MEPE: variants seen among roughly 807,000 people sequenced by gnomAD.
MEPE encodes the protein matrix, extracellular phosphoglycoprotein with ASARM motif (bone).
Under a neutral mutation model 7.3 loss-of-function variants are expected in MEPE, and 7 were observed. That is an observed-to-expected ratio of 0.95 (90% CI 0.54 to 1.79). The LOEUF (loss-of-function observed/expected upper bound fraction) is 1.79. MEPE is among the 40% of genes most tolerant of loss of function. MEPE has a pLI of 0.00. For synonymous variants in MEPE, 214 were observed against 213.1 expected, an observed-to-expected ratio of 1.00 and a Z score of -0.04; for missense variants, 623 against 628.2, an observed-to-expected ratio of 0.99 and a Z score of 0.09.
chr4:87,837,189 C>T (rs973034546), intron 2 of MEPE, among the ~76,000 whole-genome samples: 3 of 151,846 alleles, frequency 2.0e-5, no homozygotes, highest in African/African-American at 2.4e-5. Context: ...ACCCAAGGAT[C>T]GAAGCTATTA....
chr4:87,845,888 T>C lies in MEPE; in HGVS notation c.1020T>C (p.Asp340=), dbSNP rs1723223352. ...VDVSLVEGSN[D]IMGSTNFKEL... ...TCAGCCTTGTAGAGGGCAGCAACGA[T>C]ATCATGGGTAGTACCAATTTTAAGG... is the stretch of plus-strand genomic sequence containing the variant. Residue 340 remains aspartate (D), a synonymous_variant, in exon 4 of 4, where the codon GAT becomes GAC. Coordinates refer to ENST00000361056, the MANE Select transcript of MEPE (RefSeq NM_020203.6). 6.2e-7 allele frequency: 1 copy of C among 1,613,960 alleles called. No individual in the cohort carries two copies. The highest frequency in any genetic ancestry group is 1.1e-5 in the South Asian group (1 of 91,072).
intron 3 of MEPE, among the ~76,000 whole-genome samples, chr4:87,839,309 A>G (rs533649151): frequency 1.3e-5 from 2 of 152,190 alleles, no homozygotes; most frequent in Non-Finnish European, 2.9e-5. Flanking sequence ...AGTTTTGCCA[A>G]TTAGACATCA....
chr4:87,833,783 CT>C (rs1185699874), intron 1 of MEPE, among the ~76,000 whole-genome samples: 1 of 152,048 alleles, frequency 6.6e-6, no homozygotes, highest in Non-Finnish European at 1.5e-5. Flanking sequence ...TTATTTGTAA[CT>C]AAATGTTAGT....
chr4:87,834,479 T>C (rs1722705499), intron 1 of MEPE, among the ~76,000 whole-genome samples: 1 of 152,242 alleles, frequency 6.6e-6, no homozygotes, highest in Admixed American at 6.5e-5. Flanking sequence ...TGATATTGAA[T>C]AATTTTCATT....
At chr4:87,838,060 T>A (rs11937202) in intron 2 of MEPE, among the ~76,000 whole-genome samples, 57,088 of 152,008 alleles carry the variant, frequency 0.38, 11,040 homozygotes, top group African/African-American at 0.45. Context: ...TTTTTCCTTC[T>A]CAGAATGTAA....
intron 1 of MEPE, among the ~76,000 whole-genome samples, chr4:87,825,550 G>T (rs1227368236): frequency 6.6e-6 from 1 of 152,228 alleles, no homozygotes; most frequent in African/African-American, 2.4e-5. Flanking sequence ...CAATCTGACA[G>T]TTTTGACGAA....
intron 1 of MEPE, among the ~76,000 whole-genome samples, chr4:87,833,233 T>C (rs1722647524): frequency 6.6e-6 from 1 of 152,156 alleles, no homozygotes; most frequent in Non-Finnish European, 1.5e-5. Context: ...AGCAACTTTC[T>C]CTTTTTTTTT....
chr4:87,823,863 G>A (rs1722401782), intron 1 of MEPE, among the ~76,000 whole-genome samples: 1 of 152,084 alleles, frequency 6.6e-6, no homozygotes, highest in African/African-American at 2.4e-5. Flanking sequence ...GCAATGACTT[G>A]GACATTTTGT....
rs1723280396 is a variant in MEPE at position 87,846,585 on chromosome 4, C to G, written c.*139C>G. On this transcript the variant is annotated 3_prime_UTR_variant, in exon 4 of 4. Transcript: ENST00000361056. The stretch of plus-strand genomic sequence containing the variant: ...TGAGTGAGCCAAGAATCCTGGTCTC[C>G]TTGGGGGAATTTTTGCTATCTTAAT... 3 of 936,004 alleles carry G rather than the reference C, an allele frequency of 3.2e-6. No individual in the cohort carries two copies. In the Admixed American group the frequency reaches 7.9e-5, roughly 25 times the overall value. The allele number at this position is 936,004 out of a possible 1,614,324, so 58.0% of individuals were successfully genotyped here. A position where few individuals can be genotyped will look rare whatever the true frequency, so the allele number is the denominator to read the frequency against.
intron 3 of MEPE, among the ~76,000 whole-genome samples, chr4:87,840,266 G>A (rs1315737138): frequency 6.6e-6 from 1 of 152,142 alleles, no homozygotes; most frequent in Non-Finnish European, 1.5e-5. Flanking sequence ...TTGCTCAGAA[G>A]TAAAAGAATG....
upstream of MEPE, among the ~76,000 whole-genome samples, chr4:87,830,222 T>A (rs116801715): frequency 2.4e-3 from 364 of 152,260 alleles, 3 homozygotes; most frequent in African/African-American, 8.0e-3. Context: ...GTAATCCCAT[T>A]ACTGGGTATA....
rs1456476530 is a variant in MEPE, at chr4:87,843,851, A to T, written c.109-1126A>T. On this transcript the variant is annotated intron_variant, in intron 3 of 3. Transcript: ENST00000361056. The stretch of plus-strand genomic sequence containing the variant: ...ACTACATACCATGCACCAAATGGAC[A>T]AACATGGCTTACACCATAGTGAAGA... Among the ~76,000 whole-genome samples the T allele has an allele frequency of 2.0e-5, 3 of 152,338 alleles. No homozygotes were observed. In the East Asian group the frequency reaches 5.8e-4, roughly 29 times the overall value.
At chr4:87,843,324 A>C (rs936765293) in intron 3 of MEPE, among the ~76,000 whole-genome samples, 1 of 152,126 alleles carries the variant, frequency 6.6e-6, no homozygotes, top group African/African-American at 2.4e-5. Context: ...ATCTTCTACA[A>C]GTCTCCGGCA....
intron 1 of MEPE, among the ~76,000 whole-genome samples, chr4:87,826,644 C>T (rs1006467450): frequency 6.6e-6 from 1 of 152,096 alleles, no homozygotes; most frequent in Non-Finnish European, 1.5e-5. Context: ...GCAGCCTCAC[C>T]AACATCTGTT....
chr4:87,837,499 G>A (rs1436588767), intron 2 of MEPE: 1 of 152,250 alleles, frequency 6.6e-6, no homozygotes, highest in Non-Finnish European at 1.5e-5. Context: ...CAATATCTTA[G>A]TGCAAGCAAC....
Position 87,846,354 on chromosome 4 carries a change from C to T in MEPE, c.1486C>T (p.Pro496Ser). 6 of 1,614,084 alleles carry T rather than the reference C, an allele frequency of 3.7e-6. No homozygotes were observed. Among genetic ancestry groups the T allele is most frequent in the Non-Finnish European group, 5.1e-6 (6 of 1,179,962 alleles). ...PQGKGSWGRQ[P>S]HSNRRFSSRR... ...AGGGAAAGGCTCCTGGGGTAGACAACCCCATTCCAACAGGAGGTTTAGTTC... is the reference window on the plus strand; with the variant it reads ...AGGGAAAGGCTCCTGGGGTAGACAATCCCATTCCAACAGGAGGTTTAGTTC... The change falls in exon 4 of 4, where the codon CCC (proline) becomes TCC (serine). Residue 496 changes from proline (P) to serine (S), a missense_variant. By Grantham distance (74) the Pro-to-Ser change is moderately conservative (BLOSUM62 -1). Transcript: ENST00000361056.
chr4:87,846,156 A>C lies in MEPE; in HGVS notation c.1288A>C (p.Lys430Gln), dbSNP rs1450430038. 6.2e-7 allele frequency: 1 copy of C among 1,614,078 alleles called. No homozygotes were observed. Among genetic ancestry groups the C allele is most frequent in the Admixed American group, 1.7e-5 (1 of 59,986 alleles). ...AAATGAAAAACAAAGGTTTCCTAGT[A>C]AGGGCAAAAGTCAGGGCCTGCCCAT... ...TLNEKQRFPS[K>Q]GKSQGLPIPS... The change falls in exon 4 of 4, where the codon AAG becomes CAG. Residue 430 changes from lysine to glutamine, a missense_variant. By Grantham distance (53) the Lys-to-Gln change is moderately conservative. Coordinates refer to ENST00000361056, the MANE Select transcript of MEPE (RefSeq NM_020203.6).
In MEPE at chr4:87,845,131, A is replaced by G; in HGVS notation, c.263A>G (p.Asn88Ser). ...AATAAGGGAAGTAGTAAATCTCAAAATTATTTCACAAATAGACAGAGACTG... is the reference window on the plus strand; with the variant it reads ...AATAAGGGAAGTAGTAAATCTCAAAGTTATTTCACAAATAGACAGAGACTG... ...SENKGSSKSQ[N>S]YFTNRQRLNK... Residue 88 changes from asparagine to serine, a missense_variant, in exon 4 of 4, where the codon AAT becomes AGT. Physicochemically the swap from Asn to Ser is conservative, Grantham distance 46. Transcript: ENST00000361056. 6.2e-7 allele frequency: 1 copy of G among 1,613,742 alleles called. No homozygotes were observed.
chr4:87,840,136 T>A (rs1317690388), intron 3 of MEPE: 3 of 1,439,590 alleles, frequency 2.1e-6, no homozygotes, highest in East Asian at 2.5e-5. Flanking sequence ...TTCTACCATA[T>A]GCTCTGATGG....
Sources: allele counts gnomAD v4.1 joint callset (sites outside exome capture counted in the v4.1 genomes callset), GRCh38; gene constraint gnomAD v4.1.1; transcripts MANE v1.5; gene names NCBI Gene and HGNC (gene_info 2026-07-23, HGNC 2026-07-21).